Variants in NDUFA10 observed in about 807,000 individuals in gnomAD.
The protein encoded by NDUFA10 is NADH:ubiquinone oxidoreductase subunit A10.
A neutral mutation model predicts 47.8 loss-of-function variants in NDUFA10; 40 were observed. That is an observed-to-expected ratio of 0.84 (90% confidence interval 0.65 to 1.09). The LOEUF (loss-of-function observed/expected upper bound fraction) is 1.09, where lower values mean the gene tolerates loss of function less well. Among genes scored for constraint, NDUFA10 ranks in the 50% least tolerant of loss-of-function variants. The pLI is 0.00. For missense variants in NDUFA10, 413 were observed against 451.1 expected (o/e 0.92, Z 0.76); for synonymous variants, 183 against 172.2 (o/e 1.06, Z -0.49).
chr2:240,005,353 A>C, intron 7 of NDUFA10, 58 bp from the exon 8 acceptor site: 1 of 1,452,490 alleles, frequency 6.9e-7, no homozygotes, highest in South Asian at 1.1e-5. Context: ...ATTTAAATGA[A>C]ATAACTTTTT....
intron 9 of NDUFA10, among the ~76,000 whole-genome samples, chr2:239,985,120 A>G (rs1017072903): frequency 6.6e-6 from 1 of 152,170 alleles, no homozygotes; most frequent in African/African-American, 2.4e-5. Context: ...TGCCATTGGA[A>G]AACAACAAAA....
chr2:239,967,259 G>C (rs1010702235), intron 9 of NDUFA10, among the ~76,000 whole-genome samples: 1 of 152,188 alleles, frequency 6.6e-6, no homozygotes, highest in Non-Finnish European at 1.5e-5. Context: ...TTGGTTTCTC[G>C]TTATGAATTT....
chr2:239,970,216 A>G (rs574996029), intron 9 of NDUFA10, among the ~76,000 whole-genome samples: 42 of 152,374 alleles, frequency 2.8e-4, no homozygotes, highest in African/African-American at 9.1e-4. Flanking sequence ...TTCTCATTAG[A>G]AACTATGCAA....
At chr2:240,014,680 T>G (rs1697269035) in intron 5 of NDUFA10, 59 bp downstream of exon 5, 1 of 1,611,474 alleles carries the variant, frequency 6.2e-7, no homozygotes, top group Non-Finnish European at 8.5e-7. Flanking sequence ...AACAGGGCTT[T>G]TAGTGCTGAT....
rs1693561598 is a variant in NDUFA10 at position 239,902,041 on chromosome 2, G to A, written c.295-6727C>T. On this transcript the variant is annotated intron_variant, in intron 4 of 5. Transcript: ENST00000419408. ...GGAATCTACTCCTGGTGAAGATGTC[G>A]TGACCGTTGTTGAAATGACAACAAA... is the stretch of plus-strand genomic sequence containing the variant. Among the ~76,000 whole-genome samples, 4 of 152,158 alleles carry A rather than the reference G, an allele frequency of 2.6e-5. No homozygotes were observed. In the South Asian group the frequency reaches 6.2e-4, roughly 24 times the overall value.
chr2:240,006,021 G>A lies in NDUFA10; in HGVS notation c.805-726C>T, dbSNP rs75429527. 7.7e-3 allele frequency among the ~76,000 whole-genome samples: 1,166 copies of A among 152,244 alleles called. 11 individuals are homozygous for A. The highest frequency in any genetic ancestry group is 0.011 in the Admixed American group (175 of 15,288). On this transcript the variant is annotated intron_variant, in intron 7 of 9. Transcript: ENST00000252711. The stretch of plus-strand genomic sequence containing the variant: ...GAGAGACCTAATGATCTAGGTGCCC[G>A]GCCTCAAGGCTGGCTGTCTACACAG...
intron 4 of NDUFA10, among the ~76,000 whole-genome samples, chr2:239,918,386 C>T (rs1423481429): frequency 6.6e-6 from 1 of 152,182 alleles, no homozygotes; most frequent in East Asian, 1.9e-4. Flanking sequence ...AGCCTTGAAC[C>T]CGAGGCCTCC....
At chr2:239,983,448 A>T in intron 9 of NDUFA10, 1 of 1,517,222 alleles carries the variant, frequency 6.6e-7, no homozygotes, top group Non-Finnish European at 8.9e-7. Context: ...ATTTCAACTG[A>T]TCATTTTTTA....
chr2:239,900,358 A>G (rs1693521538), intron 4 of NDUFA10, among the ~76,000 whole-genome samples: 1 of 148,002 alleles, frequency 6.8e-6, no homozygotes, highest in Non-Finnish European at 1.5e-5. Context: ...ATATATATAT[A>G]TTTATCCTAT....
rs186378034 is a variant in NDUFA10 at position 239,921,163 on chromosome 2, C to T, written c.295-25849G>A. Among the ~76,000 whole-genome samples the T allele has an allele frequency of 2.6e-4, 39 of 152,184 alleles. 2 individuals carry two copies. The East Asian group carries it at 5.1e-3, about 20-fold the overall frequency. On this transcript the variant is annotated intron_variant, in intron 4 of 5. Coordinates refer to the NDUFA10 transcript ENST00000419408. Reference sequence around the variant, plus strand: ...AGGGCAGGTCACAACCTGCAGGAACCGGGGCATGAGCCGTGTAGGTAGGCG... The same window carrying T: ...AGGGCAGGTCACAACCTGCAGGAACTGGGGCATGAGCCGTGTAGGTAGGCG...
rs114381242 is a variant in NDUFA10, at chr2:239,997,648, T to C, written c.891-7466A>G. 5.9e-3 allele frequency among the ~76,000 whole-genome samples: 906 copies of C among 152,350 alleles called. 5 individuals carry two copies. Among genetic ancestry groups the C allele is most frequent in the African/African-American group, 0.021 (863 of 41,580 alleles). On this transcript the variant is annotated intron_variant, in intron 8 of 9. Coordinates refer to ENST00000252711, the MANE Select transcript of NDUFA10 (RefSeq NM_004544.4). ...AGAAGGGGTACTACATGCTCTTTAC[T>C]GTATTATGAACATGAAGAAACTGAA... is the stretch of plus-strand genomic sequence containing the variant.
intron 4 of NDUFA10, among the ~76,000 whole-genome samples, chr2:239,909,190 CAAAGTGGGGTCTTAAT>C (rs148198801): frequency 0.017 from 2,523 of 152,238 alleles, 60 homozygotes; most frequent in African/African-American, 0.059. Context: ...CAGACAAAAC[CAAAGTGGGGTCTTAAT>C]ATTCACGTGA....
At chr2:240,018,268 C>A in intron 4 of NDUFA10, 2 of 763,138 alleles carry the variant, frequency 2.6e-6, no homozygotes, top group Non-Finnish European at 4.2e-6. Flanking sequence ...GAGGTTCTAA[C>A]GGGAGGCTGT....
intron 4 of NDUFA10, among the ~76,000 whole-genome samples, chr2:239,923,506 C>G (rs1694021685): frequency 6.6e-6 from 1 of 151,900 alleles, no homozygotes; most frequent in Non-Finnish European, 1.5e-5. Context: ...GAAAATTAAA[C>G]AACAGATTTA....
intron 8 of NDUFA10, 83 bp from the exon 9 acceptor site, chr2:239,990,265 C>T: frequency 9.0e-7 from 1 of 1,105,696 alleles, no homozygotes. Context: ...TTTTTTTAAA[C>T]ATCCATATAA....
intron 3 of NDUFA10, 103 bp from the exon 4 acceptor site, chr2:240,018,742 AT>A: frequency 7.9e-7 from 1 of 1,267,810 alleles, no homozygotes; most frequent in Non-Finnish European, 1.1e-6. Flanking sequence ...ATCATTTACA[AT>A]TCCATTTCCA....
intron 4 of NDUFA10, among the ~76,000 whole-genome samples, chr2:239,921,171 G>A (rs1693971175): frequency 6.6e-6 from 1 of 152,126 alleles, no homozygotes. Flanking sequence ...ACCGGGGCAT[G>A]AGCCGTGTAG....
chr2:239,931,802 T>C (rs1317755774), intron 4 of NDUFA10, among the ~76,000 whole-genome samples: 2 of 150,186 alleles, frequency 1.3e-5, no homozygotes, highest in East Asian at 3.9e-4. Flanking sequence ...TACTGGGCTC[T>C]GAAGAGCCGC....
At chr2:239,940,936 T>G (rs796763347) in intron 4 of NDUFA10, among the ~76,000 whole-genome samples, 34 of 152,012 alleles carry the variant, frequency 2.2e-4, no homozygotes, top group African/African-American at 8.2e-4. Flanking sequence ...CCTTGAGGAG[T>G]GTCCTCTAGG....
Sources: allele counts gnomAD v4.1 joint callset (sites outside exome capture counted in the v4.1 genomes callset), GRCh38; gene constraint gnomAD v4.1.1; transcripts MANE v1.5; gene names NCBI Gene and HGNC (gene_info 2026-07-23, HGNC 2026-07-21).